The following KCNK5 variants were observed in gnomAD, a reference collection of about 807,000 sequenced individuals.
The protein encoded by KCNK5 is potassium channel subfamily K member 5.
KCNK5 carries 18 observed loss-of-function variants against 32.9 expected under a neutral mutation model. That is an observed-to-expected ratio of 0.55 (90% CI 0.38 to 0.81). The LOEUF (loss-of-function observed/expected upper bound fraction) is 0.81, where lower values mean the gene tolerates loss of function less well. Among genes scored for constraint, KCNK5 ranks in the 30% least tolerant of loss-of-function variants. KCNK5 has a pLI of 0.00. For missense variants in KCNK5, 507 were observed against 651.0 expected (o/e 0.78, Z 2.41); for synonymous variants, 276 against 275.3 (o/e 1.00, Z -0.03).
chr6:39,210,169 G>A (rs902687876), intron 1 of KCNK5, among the ~76,000 whole-genome samples: 2 of 152,156 alleles, frequency 1.3e-5, no homozygotes, highest in Non-Finnish European at 2.9e-5. Context: ...GTGGTAACAG[G>A]GGCAGCCACT....
chr6:39,206,746 TAGCGGGTTACCTGGGGC>T (rs1396146692), intron 1 of KCNK5, among the ~76,000 whole-genome samples: 18 of 152,202 alleles, frequency 1.2e-4, no homozygotes, highest in Middle Eastern at 3.4e-3. Flanking sequence ...CAGCATCCAC[TAGCGGGTTACCTGGGGC>T]ATGTCTTATC....
intron 1 of KCNK5, among the ~76,000 whole-genome samples, chr6:39,228,280 C>T (rs1388456304): frequency 6.6e-6 from 1 of 152,208 alleles, no homozygotes; most frequent in Admixed American, 6.5e-5. Flanking sequence ...ACTCCAAGCC[C>T]TTGAAGGATG....
At chr6:39,202,400 A>G (rs1401715626) in intron 1 of KCNK5, among the ~76,000 whole-genome samples, 3 of 152,142 alleles carry the variant, frequency 2.0e-5, no homozygotes, top group Admixed American at 6.5e-5. Context: ...CCAGCCTCCA[A>G]CTGGTCTTGG....
chr6:39,214,262 C>A (rs887608444), intron 1 of KCNK5, among the ~76,000 whole-genome samples: 1 of 152,192 alleles, frequency 6.6e-6, no homozygotes. Flanking sequence ...GATAGACATG[C>A]TCCCAGAGTG....
chr6:39,196,842 C>T (rs1233834219), intron 1 of KCNK5, among the ~76,000 whole-genome samples: 1 of 152,208 alleles, frequency 6.6e-6, no homozygotes, highest in Non-Finnish European at 1.5e-5. Flanking sequence ...GGTGAGAGGC[C>T]ACCTGGGGAT....
intron 1 of KCNK5, among the ~76,000 whole-genome samples, chr6:39,224,143 C>T (rs1379674749): frequency 1.4e-5 from 2 of 145,320 alleles, no homozygotes; most frequent in Non-Finnish European, 3.0e-5. Context: ...AAGAAACAAG[C>T]CATTAGGAAG....
chr6:39,197,382 A>G (rs776288512), intron 1 of KCNK5, among the ~76,000 whole-genome samples: 5 of 152,238 alleles, frequency 3.3e-5, no homozygotes, highest in Non-Finnish European at 7.3e-5. Flanking sequence ...TGTCTGTCAG[A>G]CCATCAAACC....
intron 1 of KCNK5, among the ~76,000 whole-genome samples, chr6:39,202,524 G>C (rs2561435): frequency 0.88 from 133,811 of 152,170 alleles, 58,978 homozygotes; most frequent in East Asian, 0.95. Flanking sequence ...CAAGATGGGA[G>C]AGTAATCAGC....
rs766636355 is a variant in KCNK5, at chr6:39,194,735, G to A, written c.324C>T (p.Thr108=). ...AAACACAGAAGAGGCGACCGGCGGG[G>A]GTCTTGGGAGCCACATTGCCATATC... The part of the protein sequence containing the change: ...TIGYGNVAPK[T]PAGRLFCVFY... Residue 108 remains threonine, a synonymous_variant, in exon 3 of 5, where the codon ACC becomes ACT. Transcript: ENST00000359534. This position sits in a 1 kb window ranked among gnomAD's most constrained non-coding sequence, Gnocchi z 4.7. 6.2e-7 allele frequency: 1 copy of A among 1,614,036 alleles called. No individual in the cohort carries two copies. The highest frequency in any genetic ancestry group is 1.1e-5 in the South Asian group (1 of 91,068).
At chr6:39,217,632 G>A (rs1050471975) in intron 1 of KCNK5, among the ~76,000 whole-genome samples, 2 of 152,210 alleles carry the variant, frequency 1.3e-5, no homozygotes, top group Admixed American at 6.5e-5. Flanking sequence ...GGAGGCTGGA[G>A]GCCAGTTAAA....
chr6:39,191,277 G>C lies in KCNK5; in HGVS notation c.1113C>G (p.Ser371=). The C allele has an allele frequency of 6.2e-7, 1 of 1,614,106 alleles. No individual in the cohort carries two copies. The highest frequency in any genetic ancestry group is 1.1e-5 in the South Asian group (1 of 91,084). The change falls in exon 5 of 5, where the codon TCC becomes TCG. Residue 371 remains serine (S), a synonymous_variant. Transcript: ENST00000359534. The surrounding 1 kb of genome is among the most constrained non-coding windows in gnomAD (Gnocchi z 5.8). The part of the protein sequence containing the change: ...TLRSKGHVSR[S]PDEEAVARAP... ...CCCGTGCCACAGCCTCCTCATCTGG[G>C]GACCTTGATACGTGGCCTTTGCTCC...
At position 39,229,313 on chromosome 6, in the gene KCNK5, G is replaced by T; in HGVS notation, c.-202C>A. The T allele has an allele frequency of 1.5e-6, 1 of 645,228 alleles. No homozygotes were observed. Among genetic ancestry groups the T allele is most frequent in the South Asian group, 2.0e-5 (1 of 50,634 alleles). The allele number at this position is 645,228 out of a possible 1,614,324, so 40.0% of individuals were successfully genotyped here. A position where few individuals can be genotyped will look rare whatever the true frequency, so the allele number is the denominator to read the frequency against. On this transcript the variant is annotated 5_prime_UTR_variant, in exon 1 of 5. Coordinates refer to ENST00000359534, the MANE Select transcript of KCNK5 (RefSeq NM_003740.4). ...CCACGGAGTGCGGGGAGCTGCGTGG[G>T]GCCCCACTCACGCGGCCCGGGGTGG...
At position 39,194,295 on chromosome 6, in the gene KCNK5, C is replaced by A; in HGVS notation, c.508G>T (p.Gly170Cys). Residue 170 changes from glycine (G) to cysteine (C), a missense_variant, in exon 4 of 5, where the codon GGC (glycine) becomes TGC (cysteine). Transcript: ENST00000359534. The surrounding 1 kb of genome is among the most constrained non-coding windows in gnomAD (Gnocchi z 4.7). ...GGGATCACCAGGTGGACTAGGACGC[C>A]CCACACGATGAAGATGACTGTGCAC... ...ITCTVIFIVW[G>C]VLVHLVIPPF... 1.2e-6 allele frequency: 2 copies of A among 1,613,638 alleles called. No homozygotes were observed. Among genetic ancestry groups the A allele is most frequent in the Non-Finnish European group, 8.5e-7 (1 of 1,179,758 alleles).
chr6:39,200,804 G>C (rs530733651), intron 1 of KCNK5, among the ~76,000 whole-genome samples: 9 of 152,068 alleles, frequency 5.9e-5, no homozygotes, highest in Admixed American at 5.9e-4. Flanking sequence ...GAGTAATCTT[G>C]ACTCCCAGAC....
At chr6:39,222,915 A>C (rs916232581) in intron 1 of KCNK5, among the ~76,000 whole-genome samples, 3 of 152,226 alleles carry the variant, frequency 2.0e-5, no homozygotes, top group African/African-American at 7.2e-5. Flanking sequence ...AAGGGGGTAT[A>C]ATTTCAGTTT....
At chr6:39,205,361 T>C (rs548095195) in intron 1 of KCNK5, among the ~76,000 whole-genome samples, 7 of 152,252 alleles carry the variant, frequency 4.6e-5, no homozygotes, top group African/African-American at 1.7e-4. Context: ...CAGATGACCC[T>C]CTGAGGCCAT....
At position 39,194,511 on chromosome 6, in the gene KCNK5, T is replaced by A; in HGVS notation, c.465+83A>T. ...TTGCCATCTGTCCTTACACCCTTGG[T>A]CCAATTCCTAGAGGCCTCCTGTCCT... On this transcript the variant is annotated intron_variant, in intron 3 of 4. Coordinates refer to ENST00000359534, the MANE Select transcript of KCNK5 (RefSeq NM_003740.4). The surrounding 1 kb of genome is among the most constrained non-coding windows in gnomAD (Gnocchi z 4.7). The A allele has an allele frequency of 6.6e-7, 1 of 1,521,000 alleles. No homozygotes were observed. The highest frequency in any genetic ancestry group is 1.8e-5 in the Admixed American group (1 of 54,268). 94.2% of individuals were successfully genotyped at this position (1,521,000 alleles called of 1,614,324 possible).
intron 1 of KCNK5, among the ~76,000 whole-genome samples, chr6:39,215,907 G>A (rs539752522): frequency 5.9e-5 from 9 of 152,350 alleles, no homozygotes; most frequent in East Asian, 1.9e-4. Context: ...CAGGATAGTC[G>A]TAGGGGGAGG....
chr6:39,200,311 G>C (rs1026077988), intron 1 of KCNK5, among the ~76,000 whole-genome samples: 1 of 152,150 alleles, frequency 6.6e-6, no homozygotes, highest in African/African-American at 2.4e-5. Flanking sequence ...TCTTGTTTGG[G>C]AACGGAGTAG....
Sources: gnomAD v4.1 joint callset for allele counts (sites outside exome capture counted in the v4.1 genomes callset) on GRCh38, gnomAD v4.1.1 for gene constraint, Gnocchi (gnomAD v3.1) non-coding constraint, MANE v1.5 for transcripts, NCBI Gene and HGNC (gene_info 2026-07-23, HGNC 2026-07-21) for gene names.